The following PCDH15 variants were observed in gnomAD, a reference collection of about 807,000 sequenced individuals.
PCDH15 encodes protocadherin related 15.
PCDH15 carries 129 observed loss-of-function variants against 178.5 expected under a neutral mutation model. The observed-to-expected ratio is 0.72, with a 90% CI of 0.63 to 0.84. The LOEUF (loss-of-function observed/expected upper bound fraction) is 0.84. Among genes scored for constraint, PCDH15 ranks in the 40% least tolerant of loss-of-function variants. The pLI, the probability that PCDH15 is intolerant of heterozygous loss-of-function variation, is 0.00. For synonymous variants in PCDH15, 800 were observed against 732.0 expected (o/e 1.09, Z -1.50); for missense variants, 2,230 against 2,099.9 (o/e 1.06, Z -1.21).
intron 2 of PCDH15, among the ~76,000 whole-genome samples, chr10:55,582,629 T>TATATA (rs1491243304): frequency 2.2e-4 from 14 of 64,774 alleles, no homozygotes; most frequent in South Asian, 5.9e-4. Flanking sequence ...TATATATATA[T>TATATA]TTTTTTTTTT....
At chr10:54,888,758 C>T (rs1330307200) in intron 3 of PCDH15, among the ~76,000 whole-genome samples, 1 of 136,420 alleles carries the variant, frequency 7.3e-6, no homozygotes. Flanking sequence ...TTTCAGTACA[C>T]ATTTTGGGGT....
At chr10:53,810,485 C>A in intron 37 of PCDH15, 71 bp downstream of exon 37, 1 of 1,347,674 alleles carries the variant, frequency 7.4e-7, no homozygotes, top group Non-Finnish European at 1.1e-6. Context: ...GTTCTACAGC[C>A]GCTAGTCACG....
intron 15 of PCDH15, among the ~76,000 whole-genome samples, chr10:54,104,845 C>CAAAAAAAAAA (rs56195842): frequency 1.6e-4 from 8 of 48,636 alleles, no homozygotes; most frequent in South Asian, 7.5e-4. Context: ...TCAACAACAA[C>CAAAAAAAAAA]AAAAAAAAAA....
intron 2 of PCDH15, among the ~76,000 whole-genome samples, chr10:54,622,728 T>C: frequency 2.9e-5 from 1 of 35,004 alleles, no homozygotes; most frequent in East Asian, 6.5e-4. Context: ...ATATATATTA[T>C]ATAATTATAT....
intron 28 of PCDH15, 33 bp from the exon 29 acceptor site, chr10:53,840,529 C>T: frequency 6.3e-7 from 1 of 1,586,872 alleles, no homozygotes; most frequent in African/African-American, 1.3e-5. Context: ...ACATGACAGT[C>T]CAATGGGCTT....
chr10:54,484,761 A>G (rs2078980171), intron 3 of PCDH15, among the ~76,000 whole-genome samples: 1 of 151,912 alleles, frequency 6.6e-6, no homozygotes, highest in Non-Finnish European at 1.5e-5. Flanking sequence ...GAGTTGGAAA[A>G]AAATTAAAAA....
At chr10:55,593,777 A>G (rs1346702084) in intron 2 of PCDH15, among the ~76,000 whole-genome samples, 4 of 151,876 alleles carry the variant, frequency 2.6e-5, no homozygotes, top group Non-Finnish European at 4.4e-5. Context: ...TCTAAGATTA[A>G]GAAAATACTT....
intron 2 of PCDH15, among the ~76,000 whole-genome samples, chr10:55,593,665 G>C (rs1357741139): frequency 6.6e-6 from 1 of 151,670 alleles, no homozygotes; most frequent in Admixed American, 6.6e-5. Context: ...GAAGTATTGT[G>C]TGATGACTTA....
At chr10:55,602,693 A>G (rs2132147220) in intron 2 of PCDH15, among the ~76,000 whole-genome samples, 1 of 152,264 alleles carries the variant, frequency 6.6e-6, no homozygotes, top group East Asian at 1.9e-4. Flanking sequence ...TGTTAGAAGG[A>G]AAACTAACAA....
chr10:55,570,948 T>C (rs1842397545), intron 2 of PCDH15, among the ~76,000 whole-genome samples: 1 of 152,068 alleles, frequency 6.6e-6, no homozygotes, highest in African/African-American at 2.4e-5. Context: ...AAGGCCACTA[T>C]CATAAAAGCA....
At chr10:54,203,753 G>GTTT (rs2050494551) in intron 10 of PCDH15, among the ~76,000 whole-genome samples, 1 of 152,248 alleles carries the variant, frequency 6.6e-6, no homozygotes, top group Admixed American at 6.5e-5. Context: ...ATTTTTCCAA[G>GTTT]TTTCTTCACC....
intron 2 of PCDH15, chr10:54,600,606 G>A (rs532698861): frequency 6.7e-5 from 39 of 582,986 alleles, no homozygotes; most frequent in Non-Finnish European, 1.0e-4. Flanking sequence ...GACCTTTGAG[G>A]AGAAACCAGT....
intron 8 of PCDH15, among the ~76,000 whole-genome samples, chr10:54,256,599 C>T (rs1394142607): frequency 6.6e-6 from 1 of 152,076 alleles, no homozygotes; most frequent in Non-Finnish European, 1.5e-5. Flanking sequence ...TTTGACTTTC[C>T]ACCATTATAT....
At chr10:54,639,425 T>C (rs1329843416) in intron 2 of PCDH15, among the ~76,000 whole-genome samples, 1 of 152,070 alleles carries the variant, frequency 6.6e-6, no homozygotes, top group Non-Finnish European at 1.5e-5. Flanking sequence ...CTTCATTTTG[T>C]TACATTAAAA....
intron 3 of PCDH15, among the ~76,000 whole-genome samples, chr10:54,866,568 C>T (rs1953945902): frequency 1.3e-5 from 2 of 152,086 alleles, no homozygotes; most frequent in Admixed American, 6.6e-5. Flanking sequence ...GAATACTCAT[C>T]CTAGGATTAA....
At chr10:55,222,710 TACAC>T (rs374141989) in intron 1 of PCDH15, among the ~76,000 whole-genome samples, 3 of 42,196 alleles carry the variant, frequency 7.1e-5, no homozygotes, top group Admixed American at 2.9e-4. Context: ...TATATCTTTA[TACAC>T]ACACACACAC....
chr10:55,302,221 G>GA (rs34809398), intron 1 of PCDH15, among the ~76,000 whole-genome samples: 30,042 of 151,732 alleles, frequency 0.2, 4,650 homozygotes, highest in African/African-American at 0.43. Context: ...TCCACTCTAT[G>GA]AAAAAAGTGT....
At chr10:54,870,772 A>C (rs983840973) in intron 3 of PCDH15, among the ~76,000 whole-genome samples, 14 of 150,450 alleles carry the variant, frequency 9.3e-5, no homozygotes, top group East Asian at 2.0e-4. Flanking sequence ...GGCGACAGAG[A>C]GAGACTCCCT....
At chr10:53,899,386 C>T (rs77759754) in intron 26 of PCDH15, among the ~76,000 whole-genome samples, 2,322 of 152,198 alleles carry the variant, frequency 0.015, 61 homozygotes, top group African/African-American at 0.053. Flanking sequence ...TATTGTGTCA[C>T]TTTACCTGTA....
Sources: gnomAD v4.1 joint callset for allele counts (sites outside exome capture counted in the v4.1 genomes callset) on GRCh38, gnomAD v4.1.1 for gene constraint, MANE v1.5 for transcripts, NCBI Gene and HGNC (gene_info 2026-07-23, HGNC 2026-07-21) for gene names.